ATP9B: variants seen among roughly 807,000 people sequenced by gnomAD.
ATP9B encodes probable phospholipid-transporting ATPase IIB.
Under a neutral mutation model 146.1 loss-of-function variants are expected in ATP9B, and 110 were observed. The observed-to-expected ratio is 0.75, with a 90% CI of 0.65 to 0.88. The LOEUF is 0.88. Ranked by LOEUF, ATP9B falls within the 40% of genes least tolerant of loss-of-function variation. ATP9B has a pLI of 0.00. For missense variants in ATP9B, 1,499 were observed against 1,496.4 expected (o/e 1.00, Z -0.03); for synonymous variants, 604 against 569.7 (o/e 1.06, Z -0.86).
chr18:79,303,492 C>T (rs1287408378), intron 13 of ATP9B, 112 bp from the exon 14 acceptor site: 11 of 718,432 alleles, frequency 1.5e-5, no homozygotes, highest in Non-Finnish European at 2.2e-5. Context: ...TACAGTTGGG[C>T]ATCCCAGCTG....
intron 25 of ATP9B, among the ~76,000 whole-genome samples, chr18:79,350,210 T>C (rs1329625572): frequency 6.6e-6 from 1 of 152,222 alleles, no homozygotes; most frequent in East Asian, 1.9e-4. Flanking sequence ...CCTCCCAAGA[T>C]AGCAGCAGCC....
chr18:79,290,397 T>C (rs1282708016), intron 13 of ATP9B, among the ~76,000 whole-genome samples: 8 of 152,198 alleles, frequency 5.3e-5, no homozygotes, highest in African/African-American at 4.8e-5. Context: ...AGCGAGACTC[T>C]GTGGGGTAGG....
At chr18:79,243,114 A>G (rs2095905178) in intron 11 of ATP9B, among the ~76,000 whole-genome samples, 1 of 152,186 alleles carries the variant, frequency 6.6e-6, no homozygotes, top group African/African-American at 2.4e-5. Flanking sequence ...CAATTCTGCT[A>G]TTCTGCCTTA....
chr18:79,116,865 A>G (rs2094085444), intron 4 of ATP9B, among the ~76,000 whole-genome samples: 1 of 115,080 alleles, frequency 8.7e-6, no homozygotes, highest in Non-Finnish European at 1.8e-5. Flanking sequence ...TGGCACATGT[A>G]TACATATGTA....
At chr18:79,069,621 C>A in intron 1 of ATP9B, 92 bp downstream of exon 1, 3 of 771,434 alleles carry the variant, frequency 3.9e-6, no homozygotes, top group South Asian at 8.8e-5. Context: ...GGTCTGGGGT[C>A]GCTACCGGCG....
In ATP9B at chr18:79,080,707, A is replaced by G. The variant is rs574174230; in HGVS notation, c.119+11178A>G. On this transcript the variant is annotated intron_variant, in intron 1 of 29. Coordinates refer to ENST00000426216, the MANE Select transcript of ATP9B (RefSeq NM_198531.5). ...CATCCTTGTCTTGTGCTGGTTTTCA[A>G]AGGGAATGCTTCCAGCTTTTGCCCA... Among the ~76,000 whole-genome samples, 215 of 152,298 alleles carry G rather than the reference A, an allele frequency of 1.4e-3. 3 individuals are homozygous for G. Among genetic ancestry groups the G allele is most frequent in the African/African-American group, 4.9e-3 (202 of 41,546 alleles).
At chr18:79,282,100 A>ATGACTGAAC (rs1330352788) in intron 13 of ATP9B, among the ~76,000 whole-genome samples, 1 of 152,208 alleles carries the variant, frequency 6.6e-6, no homozygotes, top group Non-Finnish European at 1.5e-5. Flanking sequence ...GAGCCTGAAG[A>ATGACTGAAC]TGACTGAACT....
At chr18:79,216,430 C>T (rs1236098669) in intron 11 of ATP9B, among the ~76,000 whole-genome samples, 1 of 152,238 alleles carries the variant, frequency 6.6e-6, no homozygotes, top group Non-Finnish European at 1.5e-5. Context: ...TTGCCAGGAA[C>T]AAGGTCATGC....
chr18:79,087,010 T>C (rs539331682), intron 1 of ATP9B, among the ~76,000 whole-genome samples: 1 of 152,348 alleles, frequency 6.6e-6, no homozygotes, highest in African/African-American at 2.4e-5. Context: ...TGAGACTAGA[T>C]AATTTATAAA....
intron 13 of ATP9B, among the ~76,000 whole-genome samples, chr18:79,280,898 C>T (rs2096369281): frequency 6.6e-6 from 1 of 152,074 alleles, no homozygotes; most frequent in African/African-American, 2.4e-5. Context: ...AAAAATAATA[C>T]AGATTCAAAA....
Position 79,372,811 on chromosome 18 carries a change from C to T in ATP9B, c.3013-14C>T, listed in dbSNP as rs746764898. The T allele has an allele frequency of 1.1e-5, 17 of 1,594,454 alleles. No individual in the cohort carries two copies. The highest frequency in any genetic ancestry group is 1.5e-5 in the Non-Finnish European group (17 of 1,162,246). On this transcript the variant is annotated splice_polypyrimidine_tract_variant and intron_variant, in intron 26 of 29. Transcript: ENST00000426216. ...GTTCTGCGCACTAACGACGCTCTTC[C>T]ACTGTTTCCCTAGGGAAGATCCTTG...
intron 11 of ATP9B, among the ~76,000 whole-genome samples, chr18:79,247,644 G>GGGT (rs1246951187): frequency 6.6e-6 from 1 of 152,148 alleles, no homozygotes; most frequent in African/African-American, 2.4e-5. Context: ...CTAGGTGTGA[G>GGGT]GGTTTACTTT....
At chr18:79,216,350 AG>A (rs1211583052) in intron 11 of ATP9B, among the ~76,000 whole-genome samples, 4 of 152,176 alleles carry the variant, frequency 2.6e-5, no homozygotes, top group African/African-American at 9.7e-5. Context: ...GTCTGTGTCC[AG>A]GCCTTGGTGC....
chr18:79,349,786 C>G (rs1041154408), intron 25 of ATP9B, among the ~76,000 whole-genome samples: 3 of 152,076 alleles, frequency 2.0e-5, no homozygotes, highest in South Asian at 2.1e-4. Context: ...TTCCTTCCGT[C>G]TCCAGTCTTC....
chr18:79,348,007 G>A (rs2096900243), intron 24 of ATP9B, 82 bp downstream of exon 24: 4 of 1,603,526 alleles, frequency 2.5e-6, no homozygotes, highest in African/African-American at 1.3e-5. Context: ...TCCGGGAGTG[G>A]GGGTGCTGAG....
At chr18:79,116,939 T>TTAAAAAAAAAAAAAAAAAAAAAAAA (rs2094091585) in intron 4 of ATP9B, among the ~76,000 whole-genome samples, 3 of 77,976 alleles carry the variant, frequency 3.8e-5, no homozygotes, top group African/African-American at 5.4e-5. Flanking sequence ...AAAAAAAAAA[T>TTAAAAAAAAAAAAAAAAAAAAAAAA]TAAAAAAAAA....
intron 19 of ATP9B, 23 bp downstream of exon 19, chr18:79,337,472 GGC>G: frequency 6.3e-7 from 1 of 1,596,418 alleles, no homozygotes; most frequent in Non-Finnish European, 8.5e-7. Flanking sequence ...CACCTCTGCT[GGC>G]GCGCGCTGCT....
At chr18:79,071,398 C>CTTTTTTTTTTTTTTT (rs747150962) in intron 1 of ATP9B, among the ~76,000 whole-genome samples, 4,563 of 21,088 alleles carry the variant, frequency 0.22, 361 homozygotes, top group East Asian at 0.27. Context: ...TATTGTTCTT[C>CTTTTTTTTTTTTTTT]CTTTTTTTTT....
At chr18:79,303,805 T>G in intron 14 of ATP9B, 89 bp downstream of exon 14, 1 of 814,912 alleles carries the variant, frequency 1.2e-6, no homozygotes, top group Non-Finnish European at 2.0e-6. Flanking sequence ...CATCTGTAAA[T>G]TAGCACGCTT....
Sources: gnomAD v4.1 joint callset for allele counts (sites outside exome capture counted in the v4.1 genomes callset) on GRCh38, gnomAD v4.1.1 for gene constraint, MANE v1.5 for transcripts, NCBI Gene and HGNC (gene_info 2026-07-23, HGNC 2026-07-21) for gene names.